The following TBCK variants were observed in gnomAD, a reference collection of about 807,000 sequenced individuals.
The protein encoded by TBCK is TBC1 domain containing kinase.
In TBCK, 99 loss-of-function variants were observed where a neutral mutation model predicts 113.4. The ratio of observed to expected loss-of-function variants is 0.87; its 90% CI spans 0.74 to 1.03. The LOEUF (loss-of-function observed/expected upper bound fraction) is 1.03, where lower values mean the gene tolerates loss of function less well. Among genes scored for constraint, TBCK ranks in the 50% least tolerant of loss-of-function variants. The pLI is 0.00. For missense variants in TBCK, 1,045 were observed against 1,061.3 expected (o/e 0.98, Z 0.21); for synonymous variants, 369 against 370.8 (o/e 1.00, Z 0.05).
chr4:106,054,441 T>C (rs2149449634), intron 25 of TBCK, among the ~76,000 whole-genome samples: 1 of 151,798 alleles, frequency 6.6e-6, no homozygotes, highest in South Asian at 2.1e-4. Flanking sequence ...GAATAAGAGC[T>C]CCACTAATCA....
intron 23 of TBCK, among the ~76,000 whole-genome samples, chr4:106,121,372 AG>A (rs1164104531): frequency 1.4e-5 from 2 of 145,920 alleles, no homozygotes; most frequent in African/African-American, 5.1e-5. Flanking sequence ...AGATTCATAA[AG>A]CAAGTCCTGA....
intron 3 of TBCK, among the ~76,000 whole-genome samples, chr4:106,290,660 T>C (rs966195219): frequency 6.6e-6 from 1 of 152,058 alleles, no homozygotes; most frequent in Non-Finnish European, 1.5e-5. Flanking sequence ...ACAACAGGGG[T>C]TCCCAACCCC....
At chr4:106,078,998 T>C (rs1196034758) in intron 25 of TBCK, among the ~76,000 whole-genome samples, 2 of 152,146 alleles carry the variant, frequency 1.3e-5, no homozygotes, top group Non-Finnish European at 2.9e-5. Flanking sequence ...ACTAAATAAA[T>C]ATGATTCACT....
Position 106,251,738 on chromosome 4 carries a change from A to T in TBCK, c.597+128T>A, listed in dbSNP as rs1186508830. On this transcript the variant is annotated intron_variant, in intron 6 of 25. Coordinates refer to ENST00000394708, the MANE Select transcript of TBCK (RefSeq NM_001163435.3). ...TATCAAACATGATTAAGTCAAATTA[A>T]GCCTTTTCTCCTCATATGTAATTAA... is the stretch of plus-strand genomic sequence containing the variant. The T allele has an allele frequency of 7.4e-6, 6 of 813,810 alleles. No individual in the cohort carries two copies. In the East Asian group the frequency reaches 1.2e-4, roughly 16 times the overall value. The allele number at this position is 813,810 out of a possible 1,614,324, so 50.4% of individuals were successfully genotyped here. A position where few individuals can be genotyped will look rare whatever the true frequency, so the allele number is the denominator to read the frequency against.
rs1579333792 is a variant in TBCK at position 106,232,829 on chromosome 4, T to G, written c.1639+109A>C. ...CAAAAAATGAATCAGAGCGTCAATA[T>G]TGACTTTCCCCAAAGACAAGGATGT... is the stretch of plus-strand genomic sequence containing the variant. On this transcript the variant is annotated intron_variant, in intron 17 of 25. Transcript: ENST00000394708. 4.5e-6 allele frequency: 5 copies of G among 1,118,834 alleles called. No homozygotes were observed. In the East Asian group the frequency reaches 1.3e-4, roughly 29 times the overall value. The allele number at this position is 1,118,834 out of a possible 1,614,324, so 69.3% of individuals were successfully genotyped here.
At chr4:106,177,331 T>G (rs959215047) in intron 22 of TBCK, among the ~76,000 whole-genome samples, 1 of 151,918 alleles carries the variant, frequency 6.6e-6, no homozygotes. Context: ...TGTGAAGAAT[T>G]TTAGCTTGAT....
At chr4:106,152,246 G>C (rs1223926695) in intron 23 of TBCK, among the ~76,000 whole-genome samples, 1 of 151,646 alleles carries the variant, frequency 6.6e-6, no homozygotes, top group African/African-American at 2.4e-5. Context: ...ATTGTCCTGA[G>C]GTATGTTCCT....
chr4:106,199,871 C>T (rs2149836329), intron 20 of TBCK, among the ~76,000 whole-genome samples: 1 of 152,264 alleles, frequency 6.6e-6, no homozygotes, highest in Admixed American at 6.5e-5. Context: ...TTCCTAGATT[C>T]CATTCTTGCC....
chr4:106,190,371 A>G (rs963548781), intron 22 of TBCK, among the ~76,000 whole-genome samples: 2 of 152,234 alleles, frequency 1.3e-5, no homozygotes, highest in Admixed American at 1.3e-4. Flanking sequence ...TAAGATAAGT[A>G]CTGAATAATG....
rs190547189 is a variant in TBCK, at chr4:106,075,334, T to C, written c.2571+20148A>G. ...TGGATTGAAGCATACTAGCTGAGCA[T>C]ATAATTTGTTCAGTAATTGTCTATA... On this transcript the variant is annotated intron_variant, in intron 25 of 25. Coordinates refer to ENST00000394708, the MANE Select transcript of TBCK (RefSeq NM_001163435.3). Among the ~76,000 whole-genome samples the C allele has an allele frequency of 3.9e-5, 6 of 152,372 alleles. No homozygotes were observed. In the East Asian group the frequency reaches 1.2e-3, roughly 29 times the overall value.
At chr4:106,184,553 C>T (rs541621779) in intron 22 of TBCK, among the ~76,000 whole-genome samples, 173 of 151,876 alleles carry the variant, frequency 1.1e-3, no homozygotes, top group Non-Finnish European at 2.0e-3. Context: ...AATAATAAAC[C>T]ACCAATAAGA....
At chr4:106,217,266 G>A (rs1360772971) in intron 19 of TBCK, among the ~76,000 whole-genome samples, 1 of 152,092 alleles carries the variant, frequency 6.6e-6, no homozygotes, top group African/African-American at 2.4e-5. Flanking sequence ...ATATCATACT[G>A]AATGGGCAAA....
chr4:106,057,591 A>C (rs2149454867), intron 25 of TBCK, among the ~76,000 whole-genome samples: 1 of 151,714 alleles, frequency 6.6e-6, no homozygotes, highest in South Asian at 2.1e-4. Flanking sequence ...TTCCAATGCT[A>C]CTGTGCTGTT....
intron 4 of TBCK, 75 bp downstream of exon 4, chr4:106,262,019 TCTGA>T (rs1762553043): frequency 7.6e-6 from 5 of 656,200 alleles, no homozygotes; most frequent in Middle Eastern, 2.8e-4. Flanking sequence ...CTATTGTTCC[TCTGA>T]CTGAGTAGCC....
intron 3 of TBCK, among the ~76,000 whole-genome samples, chr4:106,273,400 A>G (rs1362628541): frequency 6.6e-6 from 1 of 152,236 alleles, no homozygotes; most frequent in African/African-American, 2.4e-5. Context: ...TAGAATTGAA[A>G]TCTAACAGAA....
At chr4:106,148,690 G>T (rs1748119259) in intron 23 of TBCK, among the ~76,000 whole-genome samples, 1 of 152,078 alleles carries the variant, frequency 6.6e-6, no homozygotes, top group South Asian at 2.1e-4. Flanking sequence ...ATCCAGACTT[G>T]GTTGTTCCAT....
chr4:106,255,613 T>G (rs1199295023), intron 5 of TBCK, among the ~76,000 whole-genome samples: 1 of 152,176 alleles, frequency 6.6e-6, no homozygotes, highest in East Asian at 1.9e-4. Context: ...AAAGAGAGTG[T>G]CACAGCCCTG....
chr4:106,160,334 C>G (rs1749626047), intron 23 of TBCK, among the ~76,000 whole-genome samples: 1 of 151,758 alleles, frequency 6.6e-6, no homozygotes, highest in African/African-American at 2.4e-5. Flanking sequence ...AGTAAAATGG[C>G]AACCTACAGA....
intron 23 of TBCK, among the ~76,000 whole-genome samples, chr4:106,159,633 CATAA>C (rs2149703776): frequency 6.6e-6 from 1 of 151,978 alleles, no homozygotes; most frequent in South Asian, 2.1e-4. Context: ...TTTAGAAAGA[CATAA>C]ATAAATGAAA....
Sources: allele counts gnomAD v4.1 joint callset (sites outside exome capture counted in the v4.1 genomes callset), GRCh38; gene constraint gnomAD v4.1.1; transcripts MANE v1.5; gene names NCBI Gene and HGNC (gene_info 2026-07-23, HGNC 2026-07-21).